PHC1: variants seen among roughly 807,000 people sequenced by gnomAD.
PHC1 encodes the protein polyhomeotic homolog 1.
Under a neutral mutation model 104.3 loss-of-function variants are expected in PHC1, and 12 were observed. The observed-to-expected ratio is 0.12, with a 90% CI of 0.07 to 0.19. The LOEUF is 0.19. PHC1 is among the 10% of genes least tolerant of loss of function. PHC1 has a pLI of 1.00. For synonymous variants in PHC1, 302 were observed against 455.8 expected (o/e 0.66, Z 4.30); for missense variants, 671 against 1,200.0 (o/e 0.56, Z 6.51).
intron 11 of PHC1, 22 bp from the exon 12 acceptor site, chr12:8,936,834 C>T (rs1490645206): frequency 6.9e-7 from 1 of 1,455,762 alleles, no homozygotes; most frequent in Non-Finnish European, 9.6e-7. Context: ...TGGTGACTGT[C>T]CAGCAATACC....
In PHC1 at chr12:8,934,444, G is replaced by A; in HGVS notation, c.2219G>A (p.Gly740Asp). ...CAGATTCTCACCCACATCATTGAAG[G>A]CTTTGTTATCCAGGAAGGAGCAGAA... ...KPQILTHIIE[G>D]FVIQEGAEPF... The change falls in exon 10 of 15, where the codon GGC (glycine) becomes GAC (aspartate). Residue 740 changes from glycine (G) to aspartate (D), a missense_variant. Coordinates refer to ENST00000544916, the MANE Select transcript of PHC1 (RefSeq NM_004426.3). 6.2e-7 allele frequency: 1 copy of A among 1,613,948 alleles called. No individual in the cohort carries two copies. Among genetic ancestry groups the A allele is most frequent in the Non-Finnish European group, 8.5e-7 (1 of 1,179,876 alleles).
rs1383158556 is a variant in PHC1 at position 8,934,339 on chromosome 12, C to T, written c.2114C>T (p.Pro705Leu). 2.5e-6 allele frequency: 4 copies of T among 1,614,016 alleles called. No individual in the cohort carries two copies. Among genetic ancestry groups the T allele is most frequent in the African/African-American group, 2.7e-5 (2 of 74,920 alleles). The change falls in exon 10 of 15, where the codon CCT (proline) becomes CTT (leucine). Residue 705 changes from proline to leucine, a missense_variant. By Grantham distance (98) the Pro-to-Leu change is moderately conservative (BLOSUM62 -3). Around this residue, in one of 9 missense-constraint regions of PHC1, gnomAD observed 29 missense variants for 78.0 expected, o/e 0.37. Coordinates refer to ENST00000544916, the MANE Select transcript of PHC1 (RefSeq NM_004426.3). Reference sequence around the variant, plus strand: ...GAACTAGTAGCCTTGACCCCCGCCCCTTCAGTACCGCCTCCTACACTAGCC... The same window carrying T: ...GAACTAGTAGCCTTGACCCCCGCCCTTTCAGTACCGCCTCCTACACTAGCC... ...SSELVALTPA[P>L]SVPPPTLAMV...
chr12:8,932,443 T>C lies in PHC1; in HGVS notation c.1106-120T>C, dbSNP rs1945713106. 14 of 1,032,934 alleles carry C rather than the reference T, an allele frequency of 1.4e-5. No individual in the cohort carries two copies. The South Asian group carries it at 2.3e-4, about 17-fold the overall frequency. 64.0% of individuals were successfully genotyped at this position (1,032,934 alleles called of 1,614,324 possible). ...AAGTTTCATACTGACTAGATTTCTT[T>C]TCACCGCATAATTCCAAAACTAGGT... On this transcript the variant is annotated intron_variant, in intron 7 of 14. Transcript: ENST00000544916.
chr12:8,923,945 T>C, intron 6 of PHC1, among the ~76,000 whole-genome samples: 1 of 151,858 alleles, frequency 6.6e-6, no homozygotes. Context: ...AGTACTTACA[T>C]TGTATTAGAT....
At chr12:8,916,193 G>T (rs751254943) in intron 1 of PHC1, 3 of 153,118 alleles carry the variant, frequency 2.0e-5, no homozygotes, top group Middle Eastern at 5.3e-4. Context: ...AGTGACATTT[G>T]CTAGTCCTAA....
Position 8,932,598 on chromosome 12 carries a change from C to G in PHC1, c.1141C>G (p.Gln381Glu), listed in dbSNP as rs1484249216. Residue 381 changes from glutamine (Q) to glutamate (E), a missense_variant, in exon 8 of 15, where the codon CAG becomes GAG. Around this residue, in one of 9 missense-constraint regions of PHC1, gnomAD observed 78 missense variants for 140.8 expected, o/e 0.55. Coordinates refer to ENST00000544916, the MANE Select transcript of PHC1 (RefSeq NM_004426.3). Reference protein sequence around the residue: ...YTQIQPHSLIQQQQQIHLQQK... With the variant: ...YTQIQPHSLIEQQQQIHLQQK... Reference sequence around the variant, plus strand: ...ACAGATCCAGCCCCATTCACTGATTCAGCAACAGCAACAGATCCACCTCCA... The same window carrying G: ...ACAGATCCAGCCCCATTCACTGATTGAGCAACAGCAACAGATCCACCTCCA... 4 of 1,613,992 alleles carry G rather than the reference C, an allele frequency of 2.5e-6. No individual in the cohort carries two copies. Among genetic ancestry groups the G allele is most frequent in the Non-Finnish European group, 3.4e-6 (4 of 1,179,838 alleles).
intron 1 of PHC1, 124 bp from the exon 2 acceptor site, chr12:8,917,506 A>G (rs768237280): frequency 4.6e-5 from 21 of 452,972 alleles, no homozygotes; most frequent in South Asian, 1.8e-4. Flanking sequence ...ATGAGAAATC[A>G]TGGCTTATGG....
chr12:8,918,608 T>C (rs937400226), intron 2 of PHC1, among the ~76,000 whole-genome samples: 1 of 152,150 alleles, frequency 6.6e-6, no homozygotes, highest in Non-Finnish European at 1.5e-5. Flanking sequence ...GCTGGGACTA[T>C]AGGCACACTC....
intron 6 of PHC1, among the ~76,000 whole-genome samples, chr12:8,926,625 A>C (rs1336411807): frequency 7.0e-6 from 1 of 142,514 alleles, no homozygotes; most frequent in Non-Finnish European, 1.5e-5. Context: ...ATCTTAAAAA[A>C]AAAGGCCAGC....
At chr12:8,915,189 C>T (rs745944095) in intron 1 of PHC1, 3 of 152,732 alleles carry the variant, frequency 2.0e-5, no homozygotes, top group Non-Finnish European at 4.4e-5. Context: ...ACTTCTGCCT[C>T]TGCTCTCTGT....
chr12:8,929,877 A>C (rs1385046917), intron 6 of PHC1, among the ~76,000 whole-genome samples: 1 of 152,042 alleles, frequency 6.6e-6, no homozygotes, highest in Non-Finnish European at 1.5e-5. Context: ...ATATCTTTAA[A>C]CCCCCACCTT....
At chr12:8,914,260 C>T (rs1371117325), upstream of PHC1, among the ~76,000 whole-genome samples, 16 of 152,084 alleles carry the variant, frequency 1.1e-4, no homozygotes, top group East Asian at 3.1e-3. Context: ...TAGTTTCGTC[C>T]TTCCAACCGG....
In PHC1 at chr12:8,934,358, A is replaced by C. The variant is rs765147097; in HGVS notation, c.2133A>C (p.Thr711=). Reference sequence around the variant, plus strand: ...CCGCCCCTTCAGTACCGCCTCCTACACTAGCCATGGTGTCTAGACAAATGG... The same window carrying C: ...CCGCCCCTTCAGTACCGCCTCCTACCCTAGCCATGGTGTCTAGACAAATGG... ...LTPAPSVPPP[T]LAMVSRQMGD... Residue 711 remains threonine, a synonymous_variant, in exon 10 of 15, where the codon ACA becomes ACC. Transcript: ENST00000544916. 6.2e-7 allele frequency: 1 copy of C among 1,613,934 alleles called. No homozygotes were observed. Among genetic ancestry groups the C allele is most frequent in the Non-Finnish European group, 8.5e-7 (1 of 1,179,824 alleles).
chr12:8,932,484 T>C, intron 7 of PHC1, 79 bp from the exon 8 acceptor site: 1 of 1,487,706 alleles, frequency 6.7e-7, no homozygotes, highest in South Asian at 1.3e-5. Flanking sequence ...CTTGGAAAAA[T>C]GAATTTACTT....
Position 8,937,164 on chromosome 12 carries a change from C to A in PHC1, c.2478-12C>A. 6.2e-7 allele frequency: 1 copy of A among 1,607,884 alleles called. No individual in the cohort carries two copies. Among genetic ancestry groups the A allele is most frequent in the Admixed American group, 1.7e-5 (1 of 59,396 alleles). On this transcript the variant is annotated splice_polypyrimidine_tract_variant and intron_variant, in intron 12 of 14. Transcript: ENST00000544916. ...GGCACTATTGACATCCTATATATGCCCTGTCCTGTAGGTACAATGTGAGCT... is the reference window on the plus strand; with the variant it reads ...GGCACTATTGACATCCTATATATGCACTGTCCTGTAGGTACAATGTGAGCT...
At chr12:8,936,241 GC>G (rs1945833872) in intron 11 of PHC1, among the ~76,000 whole-genome samples, 1 of 152,148 alleles carries the variant, frequency 6.6e-6, no homozygotes, top group African/African-American at 2.4e-5. Flanking sequence ...AATTAACTGG[GC>G]ATTGTGGCAC....
rs1411086920 is a variant in PHC1, at chr12:8,917,622, C to A, written c.-48-8C>A. The A allele has an allele frequency of 1.3e-6, 1 of 748,558 alleles. No individual in the cohort carries two copies. 46.4% of individuals were successfully genotyped at this position (748,558 alleles called of 1,614,324 possible). ...TATAAATTTTAACCTTTTACTGCTT[C>A]CCTCTAGGTCTTGAGTCAGACAGAG... On this transcript the variant is annotated splice_region_variant and splice_polypyrimidine_tract_variant and intron_variant, in intron 1 of 14. Transcript: ENST00000544916.
At chr12:8,933,816 T>C (rs1206806489) in intron 8 of PHC1, 49 bp from the exon 9 acceptor site, 2 of 1,517,158 alleles carry the variant, frequency 1.3e-6, no homozygotes, top group East Asian at 2.3e-5. Flanking sequence ...GGTTCCTTAT[T>C]ATCCTTCATT....
rs751403465 is a variant in PHC1 at position 8,937,252 on chromosome 12, C to T, written c.2554C>T (p.Arg852Cys). The T allele has an allele frequency of 3.7e-5, 59 of 1,612,578 alleles. No individual in the cohort carries two copies. The highest frequency in any genetic ancestry group is 4.7e-5 in the Non-Finnish European group (55 of 1,179,074). Residue 852 changes from arginine to cysteine, a missense_variant, in exon 13 of 15, where the codon CGC (arginine) becomes TGC (cysteine). By Grantham distance (180) the Arg-to-Cys change is radical. Coordinates refer to ENST00000544916, the MANE Select transcript of PHC1 (RefSeq NM_004426.3). ...MKEFQEANYA[R>C]VRRRGPRRSS... ...AGAGTTTCAAGAAGCCAACTATGCT[C>T]GCGTTCGCAGGCGTGGACCCCGCCG...
Sources: gnomAD v4.1 joint callset for allele counts (sites outside exome capture counted in the v4.1 genomes callset) on GRCh38, gnomAD v4.1.1 for gene constraint, gnomAD v4.1.1 regional missense constraint, MANE v1.5 for transcripts, NCBI Gene and HGNC (gene_info 2026-07-23, HGNC 2026-07-21) for gene names.